SUPT3H: variants seen among roughly 807,000 people sequenced by gnomAD.
The protein encoded by SUPT3H is SPT3 homolog, SAGA and STAGA complex component, also known as transcription initiation protein SPT3 homolog.
In SUPT3H, 44 loss-of-function variants were observed where a neutral mutation model predicts 44.3. That is an observed-to-expected ratio of 0.99 (90% CI 0.78 to 1.28). The LOEUF is 1.28. SUPT3H is among the 50% of genes most tolerant of loss of function. The pLI is 0.00. For missense variants in SUPT3H, 380 were observed against 387.1 expected (o/e 0.98, Z 0.15); for synonymous variants, 124 against 125.6 (o/e 0.99, Z 0.09).
chr6:45,222,157 A>G (rs1766172055), intron 2 of SUPT3H, among the ~76,000 whole-genome samples: 1 of 152,174 alleles, frequency 6.6e-6, no homozygotes, highest in Non-Finnish European at 1.5e-5. Flanking sequence ...TATAAAACAT[A>G]AAACTTAAAA....
intron 10 of SUPT3H, among the ~76,000 whole-genome samples, chr6:44,896,263 T>C (rs2153445664): frequency 6.6e-6 from 1 of 152,276 alleles, no homozygotes; most frequent in South Asian, 2.1e-4. Context: ...CTCAGAAAAC[T>C]TAAGTAACTG....
At chr6:45,012,321 T>C (rs1783602519) in intron 5 of SUPT3H, among the ~76,000 whole-genome samples, 1 of 151,986 alleles carries the variant, frequency 6.6e-6, no homozygotes, top group Non-Finnish European at 1.5e-5. Context: ...GTGCTCTACA[T>C]TTCTCTGAAG....
intron 3 of SUPT3H, among the ~76,000 whole-genome samples, chr6:45,067,601 TCAAA>T (rs1414664563): frequency 6.7e-6 from 1 of 150,278 alleles, no homozygotes; most frequent in African/African-American, 2.5e-5. Context: ...TACAATGAAC[TCAAA>T]CAAATTTACA....
intron 2 of SUPT3H, among the ~76,000 whole-genome samples, chr6:45,142,542 A>T (rs961588708): frequency 6.6e-6 from 1 of 151,646 alleles, no homozygotes; most frequent in African/African-American, 2.4e-5. Flanking sequence ...TTTGAGACCA[A>T]CCTAACCAAC....
chr6:45,200,925 A>C (rs983995252), intron 2 of SUPT3H, among the ~76,000 whole-genome samples: 1 of 151,570 alleles, frequency 6.6e-6, no homozygotes, highest in Non-Finnish European at 1.5e-5. Flanking sequence ...TAACAAAATC[A>C]AAGTTTCTCT....
intron 3 of SUPT3H, among the ~76,000 whole-genome samples, chr6:45,062,550 C>T (rs929275742): frequency 2.6e-5 from 4 of 152,168 alleles, no homozygotes; most frequent in Admixed American, 6.5e-5. Context: ...TCTGAGGTAC[C>T]GGGTGCATCT....
chr6:45,171,941 C>G (rs1177593058), intron 2 of SUPT3H, among the ~76,000 whole-genome samples: 1 of 151,794 alleles, frequency 6.6e-6, no homozygotes, highest in Non-Finnish European at 1.5e-5. Context: ...TGGTCTTGAA[C>G]TCCTGACCTC....
At chr6:45,060,085 G>GAA (rs977723709) in intron 3 of SUPT3H, among the ~76,000 whole-genome samples, 1 of 151,366 alleles carries the variant, frequency 6.6e-6, no homozygotes, top group African/African-American at 2.4e-5. Context: ...TACAGAATTA[G>GAA]AAAAAAAACT....
chr6:45,355,019 G>C (rs945901979), intron 2 of SUPT3H, among the ~76,000 whole-genome samples: 2 of 152,052 alleles, frequency 1.3e-5, no homozygotes, highest in African/African-American at 2.4e-5. Context: ...CTGTCACCCA[G>C]GCTAAAGTGC....
chr6:45,175,278 A>G (rs1811542309), intron 2 of SUPT3H, among the ~76,000 whole-genome samples: 1 of 152,158 alleles, frequency 6.6e-6, no homozygotes, highest in South Asian at 2.1e-4. Context: ...GAGACTGAGT[A>G]ATTTACAAAG....
At position 45,122,073 on chromosome 6, in the gene SUPT3H, T is replaced by C. The variant is rs552459022; in HGVS notation, c.102-16067A>G. Among the ~76,000 whole-genome samples the C allele has an allele frequency of 4.6e-5, 7 of 152,292 alleles. No homozygotes were observed. In the South Asian group the frequency reaches 1.4e-3, roughly 32 times the overall value. On this transcript the variant is annotated intron_variant, in intron 2 of 10. Coordinates refer to ENST00000371459, the MANE Select transcript of SUPT3H (RefSeq NM_003599.4). ...AGAAAAATTAAAAATGAACAAATTG[T>C]ATTTTCTACATATATTAACTTTAAA... is the stretch of plus-strand genomic sequence containing the variant.
intron 3 of SUPT3H, chr6:45,099,094 C>A: frequency 2.8e-6 from 1 of 361,342 alleles, no homozygotes. Flanking sequence ...GTGAACATTG[C>A]CCAGCCACCA....
chr6:45,283,572 C>G (rs1035813564), intron 2 of SUPT3H, among the ~76,000 whole-genome samples: 2 of 151,744 alleles, frequency 1.3e-5, no homozygotes, highest in Non-Finnish European at 2.9e-5. Flanking sequence ...ACAGGAGCAC[C>G]CAGATTCATA....
At chr6:44,908,394 G>A (rs1766465122) in intron 10 of SUPT3H, among the ~76,000 whole-genome samples, 2 of 151,862 alleles carry the variant, frequency 1.3e-5, no homozygotes, top group South Asian at 2.1e-4. Context: ...CTCGTGATCC[G>A]CCCACCTAGG....
intron 2 of SUPT3H, among the ~76,000 whole-genome samples, chr6:45,156,169 T>A (rs540589079): frequency 4.6e-5 from 7 of 152,298 alleles, no homozygotes; most frequent in African/African-American, 1.7e-4. Context: ...TAAAAACATT[T>A]TAAGCATGAG....
intron 2 of SUPT3H, among the ~76,000 whole-genome samples, chr6:45,300,659 G>C (rs1309972197): frequency 1.3e-5 from 2 of 152,156 alleles, no homozygotes; most frequent in African/African-American, 4.8e-5. Context: ...AAAAAGTTCT[G>C]AAAAGAGATA....
At chr6:45,053,914 CAA>C (rs56734466) in intron 3 of SUPT3H, among the ~76,000 whole-genome samples, 284 of 79,638 alleles carry the variant, frequency 3.6e-3, no homozygotes, top group African/African-American at 0.012. Flanking sequence ...GACTCCGTCT[CAA>C]AAAAAAAAAA....
intron 2 of SUPT3H, among the ~76,000 whole-genome samples, chr6:45,143,265 G>A (rs1450990601): frequency 6.6e-6 from 1 of 152,028 alleles, no homozygotes; most frequent in Non-Finnish European, 1.5e-5. Context: ...CTTTTCATCA[G>A]CACATGGAAC....
Position 45,262,480 on chromosome 6 carries a change from C to T in SUPT3H, c.101+102721G>A, listed in dbSNP as rs139996710. On this transcript the variant is annotated intron_variant, in intron 2 of 10. Transcript: ENST00000371459. ...CATATGCAGAAGATTGAACCTGGAC[C>T]CCTTCCTTTCACCACATACAAAAAT... 2.2e-3 allele frequency among the ~76,000 whole-genome samples: 333 copies of T among 152,052 alleles called. 1 individual carries two copies. The highest frequency in any genetic ancestry group is 7.5e-3 in the African/African-American group (312 of 41,482).
Sources: allele counts gnomAD v4.1 joint callset (sites outside exome capture counted in the v4.1 genomes callset), GRCh38; gene constraint gnomAD v4.1.1; transcripts MANE v1.5; gene names NCBI Gene and HGNC (gene_info 2026-07-23, HGNC 2026-07-21).